ERCC6L2: variants seen among roughly 807,000 people sequenced by gnomAD.
ERCC6L2 encodes the protein DNA excision repair protein ERCC-6-like 2.
In ERCC6L2, 77 loss-of-function variants were observed where a neutral mutation model predicts 132.0. That is an observed-to-expected ratio of 0.58 (90% CI 0.49 to 0.71). The LOEUF (loss-of-function observed/expected upper bound fraction) is 0.71. Among genes scored for constraint, ERCC6L2 ranks in the 30% least tolerant of loss-of-function variants. The pLI, the probability that ERCC6L2 is intolerant of heterozygous loss-of-function variation, is 0.00. For missense variants in ERCC6L2, 1,542 were observed against 1,837.6 expected, an observed-to-expected ratio of 0.84 and a Z score of 2.94; for synonymous variants, 583 against 632.4, an observed-to-expected ratio of 0.92 and a Z score of 1.17.
chr9:95,922,483 A>G lies in ERCC6L2; in HGVS notation c.1413+65A>G, dbSNP rs1173338502. 3 of 945,394 alleles carry G rather than the reference A, an allele frequency of 3.2e-6. No homozygotes were observed. Among genetic ancestry groups the G allele is most frequent in the Non-Finnish European group, 4.8e-6 (3 of 629,958 alleles). The allele number at this position is 945,394 out of a possible 1,614,324, so 58.6% of individuals were successfully genotyped here. ...TGTGAATATTTTATAAAGTTTTAAA[A>G]TAGTTATTAAATAAAGTTTTTGTGG... On this transcript the variant is annotated intron_variant, in intron 8 of 18. Transcript: ENST00000653738.
chr9:96,036,095 A>G (rs546897539), intron 19 of ERCC6L2, among the ~76,000 whole-genome samples: 2 of 152,186 alleles, frequency 1.3e-5, no homozygotes, highest in Non-Finnish European at 2.9e-5. Flanking sequence ...AAACATATTT[A>G]AGTGCACATT....
At chr9:95,912,662 T>G (rs1309695404) in intron 4 of ERCC6L2, among the ~76,000 whole-genome samples, 4 of 152,232 alleles carry the variant, frequency 2.6e-5, no homozygotes, top group Non-Finnish European at 5.9e-5. Flanking sequence ...TAATATCTTA[T>G]GTTTATAAAG....
At chr9:95,890,425 C>G (rs944059337) in intron 2 of ERCC6L2, among the ~76,000 whole-genome samples, 1 of 152,108 alleles carries the variant, frequency 6.6e-6, no homozygotes, top group Non-Finnish European at 1.5e-5. Context: ...TGCCCAGTGT[C>G]ACATAGCTAG....
intron 2 of ERCC6L2, among the ~76,000 whole-genome samples, chr9:95,883,713 C>T (rs934021729): frequency 6.6e-6 from 1 of 152,190 alleles, no homozygotes; most frequent in Admixed American, 6.5e-5. Flanking sequence ...CAAAAATTAG[C>T]TGGGCATGGT....
At chr9:95,976,618 C>G (rs1413158906) in intron 16 of ERCC6L2, among the ~76,000 whole-genome samples, 1 of 152,136 alleles carries the variant, frequency 6.6e-6, no homozygotes, top group East Asian at 1.9e-4. Context: ...CCTGCTTGTA[C>G]TTTAGGTGTC....
At position 95,977,734 on chromosome 9, in the gene ERCC6L2, CT is replaced by C. The variant is rs879412026; in HGVS notation, c.3338-314del. 5.8e-3 allele frequency among the ~76,000 whole-genome samples: 832 copies of C among 143,598 alleles called. 1 individual carries two copies. The highest frequency in any genetic ancestry group is 0.012 in the African/African-American group (463 of 39,538). The allele number at this position is 143,598 out of a possible 152,430, so 94.2% of individuals were successfully genotyped here. On this transcript the variant is annotated intron_variant, in intron 16 of 18. Transcript: ENST00000653738. ...TTTCATTCTTTAAATTAGTGAACAT[CT>C]TTTTTTTTTTTTAATTAACAATGAA... is the stretch of plus-strand genomic sequence containing the variant.
chr9:95,926,592 G>A (rs934344185), intron 9 of ERCC6L2, among the ~76,000 whole-genome samples: 3 of 152,136 alleles, frequency 2.0e-5, no homozygotes, highest in African/African-American at 7.2e-5. Flanking sequence ...TATGGAGACA[G>A]TAAAAAGAAC....
intron 13 of ERCC6L2, among the ~76,000 whole-genome samples, chr9:95,964,170 C>T (rs1832045280): frequency 6.6e-6 from 1 of 152,106 alleles, no homozygotes; most frequent in South Asian, 2.1e-4. Flanking sequence ...TTGTTTGGCA[C>T]TCTACCATTT....
At chr9:96,010,578 A>G (rs895760335) in intron 18 of ERCC6L2, among the ~76,000 whole-genome samples, 12 of 152,036 alleles carry the variant, frequency 7.9e-5, no homozygotes, top group African/African-American at 2.9e-4. Flanking sequence ...GAGCCTGTAC[A>G]TGCACCCTCT....
At chr9:95,966,740 CAAT>C (rs1398447798) in intron 14 of ERCC6L2, 26 bp downstream of exon 14, 1 of 1,380,820 alleles carries the variant, frequency 7.2e-7, no homozygotes, top group Admixed American at 2.5e-5. Context: ...CTGACCTTTT[CAAT>C]AATATTTTAA....
intron 4 of ERCC6L2, among the ~76,000 whole-genome samples, chr9:95,912,716 T>C (rs1162351976): frequency 1.3e-5 from 2 of 152,228 alleles, no homozygotes; most frequent in Non-Finnish European, 2.9e-5. Flanking sequence ...GTTGTCTGTT[T>C]ATTCTTCTAA....
At chr9:95,922,261 A>G in intron 7 of ERCC6L2, 44 bp from the exon 8 acceptor site, 1 of 986,510 alleles carries the variant, frequency 1.0e-6, no homozygotes, top group South Asian at 1.4e-5. Flanking sequence ...GCAGGTGCAT[A>G]GCTATGCTGG....
At chr9:95,897,104 C>T (rs1327134762) in intron 2 of ERCC6L2, among the ~76,000 whole-genome samples, 1 of 151,580 alleles carries the variant, frequency 6.6e-6, no homozygotes, top group Non-Finnish European at 1.5e-5. Context: ...TATTTTCTTC[C>T]ATATGGATAC....
At chr9:95,907,338 GTTTTTT>G in intron 4 of ERCC6L2, 67 bp downstream of exon 4, 2 of 546,164 alleles carry the variant, frequency 3.7e-6, no homozygotes. Context: ...TATATTAAGA[GTTTTTT>G]TTTTTTTTTT....
intron 18 of ERCC6L2, among the ~76,000 whole-genome samples, chr9:96,006,474 G>A (rs1833866678): frequency 1.3e-5 from 2 of 152,178 alleles, no homozygotes; most frequent in South Asian, 4.1e-4. Flanking sequence ...CCGGTGCTAT[G>A]AGTTCGGATG....
rs1253461486 is a variant in ERCC6L2, at chr9:95,928,746, A to G, written c.1633A>G (p.Met545Val). 5 of 1,612,932 alleles carry G rather than the reference A, an allele frequency of 3.1e-6. No homozygotes were observed. In the South Asian group the frequency reaches 4.4e-5, roughly 14 times the overall value. The part of the protein sequence containing the change: ...KLLDVLQQYC[M>V]ASGLDYRRLD... ...GCTTGACGTGCTACAGCAGTACTGTATGGCGTCTGGGCTTGATTACCGACG... is the reference window on the plus strand; with the variant it reads ...GCTTGACGTGCTACAGCAGTACTGTGTGGCGTCTGGGCTTGATTACCGACG... The change falls in exon 11 of 19, where the codon ATG (methionine) becomes GTG (valine). Residue 545 changes from methionine to valine, a missense_variant. Around this residue, in one of 4 missense-constraint regions of ERCC6L2, gnomAD observed 945 missense variants for 1,105.2 expected, o/e 0.86. Transcript: ENST00000653738.
At chr9:95,956,452 C>T (rs1225343103) in intron 13 of ERCC6L2, among the ~76,000 whole-genome samples, 1 of 152,110 alleles carries the variant, frequency 6.6e-6, no homozygotes, top group Non-Finnish European at 1.5e-5. Context: ...TATGTTGGTC[C>T]CACAGCTTTC....
chr9:95,927,821 T>C (rs1830165745), intron 9 of ERCC6L2, among the ~76,000 whole-genome samples: 2 of 152,188 alleles, frequency 1.3e-5, no homozygotes, highest in Admixed American at 6.5e-5. Context: ...TGCTTCCTTT[T>C]TATTAAAACC....
intron 16 of ERCC6L2, among the ~76,000 whole-genome samples, chr9:95,975,356 C>T (rs946248664): frequency 3.9e-5 from 4 of 101,936 alleles, no homozygotes; most frequent in African/African-American, 1.7e-4. Context: ...AGTTTTGTGC[C>T]CTTATACCTA....
Sources: gnomAD v4.1 joint callset for allele counts (sites outside exome capture counted in the v4.1 genomes callset) on GRCh38, gnomAD v4.1.1 for gene constraint, gnomAD v4.1.1 regional missense constraint, MANE v1.5 for transcripts, NCBI Gene and HGNC (gene_info 2026-07-23, HGNC 2026-07-21) for gene names.